The following RBM46 variants were observed in gnomAD, a reference collection of about 807,000 sequenced individuals.
RBM46 encodes RNA binding motif protein 46.
Under a neutral mutation model 43.3 loss-of-function variants are expected in RBM46, and 12 were observed. The ratio of observed to expected loss-of-function variants is 0.28; its 90% CI spans 0.18 to 0.45. The LOEUF (loss-of-function observed/expected upper bound fraction) is 0.45, where lower values mean the gene tolerates loss of function less well. Ranked by LOEUF, RBM46 falls within the 20% of genes least tolerant of loss-of-function variation. The probability of loss-of-function intolerance (pLI) is 1.00; values close to 1 mark genes in which losing one functional copy is unlikely to be tolerated. For missense variants in RBM46, 412 were observed against 639.1 expected (o/e 0.64, Z 3.83); for synonymous variants, 205 against 207.6 (o/e 0.99, Z 0.11).
rs928073502 is a variant in RBM46, at chr4:154,786,378, C to A, written c.-12+4942C>A. Among the ~76,000 whole-genome samples the A allele has an allele frequency of 2.0e-5, 3 of 152,024 alleles. No individual in the cohort carries two copies. The South Asian group carries it at 6.2e-4, about 32-fold the overall frequency. ...TGCTGGGATTACAGGCGTGAGCCAC[C>A]GTACCTGGCCAGTCTTTATCTTATT... On this transcript the variant is annotated intron_variant, in intron 1 of 4. Coordinates refer to ENST00000281722, the MANE Select transcript of RBM46 (RefSeq NM_144979.5).
In RBM46 at chr4:154,798,131, T is replaced by G; in HGVS notation, c.472T>G (p.Leu158Val). Residue 158 changes from leucine to valine, a missense_variant, in exon 3 of 5, where the codon TTA becomes GTA. Physicochemically the swap from Leu to Val is conservative, Grantham distance 32. Transcript: ENST00000281722. ...IPKEKKKEEI[L>V]DEMKKVTEGV... is the part of the protein sequence containing the mutation. ...CAAGGAAAAGAAGAAAGAAGAAATT[T>G]TAGATGAAATGAAGAAAGTTACAGA... 6.2e-7 allele frequency: 1 copy of G among 1,613,828 alleles called. No individual in the cohort carries two copies.
At chr4:154,810,777 C>G (rs2111177642) in intron 4 of RBM46, among the ~76,000 whole-genome samples, 1 of 152,266 alleles carries the variant, frequency 6.6e-6, no homozygotes, top group South Asian at 2.1e-4. Context: ...CCTAATACCA[C>G]TTGGAATATA....
chr4:154,826,935 C>A, intron 4 of RBM46: 1 of 1,306,768 alleles, frequency 7.7e-7, no homozygotes, highest in Non-Finnish European at 9.7e-7. Context: ...ATTAGATGAC[C>A]TAATTTCTTT....
chr4:154,812,518 A>G (rs915236424), intron 4 of RBM46, among the ~76,000 whole-genome samples: 4 of 152,238 alleles, frequency 2.6e-5, no homozygotes, highest in African/African-American at 7.2e-5. Context: ...GATTCTAGAC[A>G]GAACATCAAA....
At chr4:154,787,376 C>G (rs1221040001) in intron 1 of RBM46, 1 of 136,492 alleles carries the variant, frequency 7.3e-6, no homozygotes, top group East Asian at 2.4e-4. Context: ...ATGTTCCCCA[C>G]CCTGTGTCCA....
intron 4 of RBM46, among the ~76,000 whole-genome samples, chr4:154,800,648 C>A (rs914209647): frequency 6.9e-6 from 1 of 145,048 alleles, no homozygotes; most frequent in East Asian, 2.1e-4. Flanking sequence ...TTTTTTAATG[C>A]GGCTATAGAT....
At chr4:154,805,829 A>G (rs978467984) in intron 4 of RBM46, among the ~76,000 whole-genome samples, 9 of 152,012 alleles carry the variant, frequency 5.9e-5, no homozygotes, top group South Asian at 2.1e-4. Flanking sequence ...TAATGATTCT[A>G]TGATATTATA....
rs1560919502 is a variant in RBM46 at position 154,828,087 on chromosome 4, AT to A, written c.*21del. On this transcript the variant is annotated 3_prime_UTR_variant, in exon 5 of 5. Coordinates refer to ENST00000281722, the MANE Select transcript of RBM46 (RefSeq NM_144979.5). ...TTCTGAAGAAAATACTAACATTAGTATGAAAATTTGTGTAAATTTGTAGTAT... is the reference window on the plus strand; with the variant it reads ...TTCTGAAGAAAATACTAACATTAGTAGAAAATTTGTGTAAATTTGTAGTAT... 2 of 1,531,988 alleles carry A rather than the reference AT, an allele frequency of 1.3e-6. No homozygotes were observed. The highest frequency in any genetic ancestry group is 1.8e-6 in the Non-Finnish European group (2 of 1,106,438). 94.9% of individuals were successfully genotyped at this position (1,531,988 alleles called of 1,614,324 possible).
At chr4:154,797,721 C>A in intron 2 of RBM46, 90 bp from the exon 3 acceptor site, 3 of 870,532 alleles carry the variant, frequency 3.4e-6, no homozygotes, top group Non-Finnish European at 3.5e-6. Context: ...TGGCACATAG[C>A]ACAGCAAATT....
chr4:154,786,748 G>A (rs1733790637), intron 1 of RBM46, among the ~76,000 whole-genome samples: 1 of 151,998 alleles, frequency 6.6e-6, no homozygotes, highest in South Asian at 2.1e-4. Context: ...CCAACATAGT[G>A]AAACCCCACC....
At chr4:154,815,177 T>A (rs1735370792) in intron 4 of RBM46, among the ~76,000 whole-genome samples, 1 of 152,074 alleles carries the variant, frequency 6.6e-6, no homozygotes, top group Non-Finnish European at 1.5e-5. Flanking sequence ...TTTGCTGTCA[T>A]TGATACCTGT....
Position 154,798,805 on chromosome 4 carries a change from A to G in RBM46, c.643A>G (p.Thr215Ala). The change falls in exon 4 of 5, where the codon ACC becomes GCC. Residue 215 changes from threonine to alanine, a missense_variant. Thr to Ala is a moderately conservative substitution (Grantham distance 58, BLOSUM62 0). This residue lies in a region of RBM46 where 54 missense variants were observed against 102.5 expected (regional missense o/e 0.53). Coordinates refer to ENST00000281722, the MANE Select transcript of RBM46 (RefSeq NM_144979.5). Reference protein sequence around the residue: ...IPGTFQLWGHTIQVDWADPEK... With the variant: ...IPGTFQLWGHAIQVDWADPEK... ...AGGAACATTCCAACTATGGGGCCACACCATTCAGGTAGATTGGGCTGACCC... is the reference window on the plus strand; with the variant it reads ...AGGAACATTCCAACTATGGGGCCACGCCATTCAGGTAGATTGGGCTGACCC... 2 of 1,539,802 alleles carry G rather than the reference A, an allele frequency of 1.3e-6. No individual in the cohort carries two copies. The highest frequency in any genetic ancestry group is 1.7e-6 in the Non-Finnish European group (2 of 1,148,998).
At chr4:154,820,685 T>A (rs898597354) in intron 4 of RBM46, among the ~76,000 whole-genome samples, 1 of 151,884 alleles carries the variant, frequency 6.6e-6, no homozygotes, top group Non-Finnish European at 1.5e-5. Context: ...ATAAATTCGA[T>A]ATATTTGGAG....
chr4:154,812,034 TAACA>T (rs1365919805), intron 4 of RBM46, among the ~76,000 whole-genome samples: 8 of 151,046 alleles, frequency 5.3e-5, no homozygotes, highest in Non-Finnish European at 7.4e-5. Context: ...TTTTTTTTTT[TAACA>T]AACAGGCTTC....
Position 154,796,059 on chromosome 4 carries a change from T to C in RBM46, c.-11-683T>C, listed in dbSNP as rs778312992. On this transcript the variant is annotated intron_variant, in intron 1 of 4. Coordinates refer to ENST00000281722, the MANE Select transcript of RBM46 (RefSeq NM_144979.5). The stretch of plus-strand genomic sequence containing the variant: ...GGTGTGTGCCTGCAGTCCCAGCTAC[T>C]TGGGGGACTGAGGTGGGAGAATCAC... 4.6e-5 allele frequency among the ~76,000 whole-genome samples: 7 copies of C among 152,064 alleles called. No individual in the cohort carries two copies. In the East Asian group the frequency reaches 7.7e-4, roughly 17 times the overall value.
chr4:154,798,661 T>G, intron 3 of RBM46, 121 bp from the exon 4 acceptor site: 1 of 773,870 alleles, frequency 1.3e-6, no homozygotes, highest in East Asian at 3.1e-5. Context: ...AAACAAATGC[T>G]TAACCAAATT....
intron 4 of RBM46, among the ~76,000 whole-genome samples, chr4:154,823,187 A>G (rs370731129): frequency 9.2e-5 from 14 of 151,900 alleles, no homozygotes; most frequent in African/African-American, 3.4e-4. Flanking sequence ...ACATAAATTT[A>G]TACAAAAAGT....
intron 4 of RBM46, chr4:154,827,054 A>T: frequency 8.5e-7 from 1 of 1,182,114 alleles, no homozygotes; most frequent in Non-Finnish European, 1.0e-6. Flanking sequence ...TTTGGAAGGT[A>T]CAGGATTTAA....
At chr4:154,826,837 C>A in intron 4 of RBM46, 2 of 1,514,274 alleles carry the variant, frequency 1.3e-6, no homozygotes, top group Admixed American at 2.1e-5. Flanking sequence ...AACATTAAGT[C>A]CCATGACAAC....
Sources: gnomAD v4.1 joint callset for allele counts (sites outside exome capture counted in the v4.1 genomes callset) on GRCh38, gnomAD v4.1.1 for gene constraint, gnomAD v4.1.1 regional missense constraint, MANE v1.5 for transcripts, NCBI Gene and HGNC (gene_info 2026-07-23, HGNC 2026-07-21) for gene names.